Variants in TNK1 observed in about 807,000 individuals in gnomAD.
The protein encoded by TNK1 is tyrosine kinase non receptor 1, also known as non-receptor tyrosine-protein kinase TNK1.
TNK1 carries 53 observed loss-of-function variants against 65.2 expected under a neutral mutation model. The observed-to-expected ratio is 0.81, with a 90% CI of 0.65 to 1.02. The LOEUF (loss-of-function observed/expected upper bound fraction) is 1.02. TNK1 is among the 50% of genes least tolerant of loss of function. The pLI is 0.00. For synonymous variants in TNK1, 353 were observed against 364.6 expected (o/e 0.97, Z 0.36); for missense variants, 837 against 878.4 (o/e 0.95, Z 0.60).
chr17:7,382,966 C>T lies in TNK1; in HGVS notation c.40C>T (p.Leu14Phe), dbSNP rs374692022. 6.2e-7 allele frequency: 1 copy of T among 1,613,942 alleles called. No homozygotes were observed. The highest frequency in any genetic ancestry group is 1.3e-5 in the African/African-American group (1 of 74,944). The change falls in exon 2 of 13, where the codon CTC becomes TTC. Residue 14 changes from leucine (L) to phenylalanine (F), a missense_variant. Coordinates refer to ENST00000688331, the MANE Select transcript of TNK1 (RefSeq NM_003985.6). This position sits in a 1 kb window ranked among gnomAD's most constrained non-coding sequence, Gnocchi z 4.1. ...EAGSLWLLKL[L>F]RDIQLAQFYW... Reference sequence around the variant, plus strand: ...TGGCTCCCTGTGGCTACTGAAGCTGCTCCGGGACATCCAGTTGGCCCAGTT... The same window carrying T: ...TGGCTCCCTGTGGCTACTGAAGCTGTTCCGGGACATCCAGTTGGCCCAGTT...
chr17:7,383,562 A>G lies in TNK1; in HGVS notation c.372A>G (p.Ser124=), dbSNP rs1214581065. ...TTTGCAGAGGGGAGCTGCTGGGTTC[A>G]GGCTGCTTCGGTGTGGTGCACCGAG... is the stretch of plus-strand genomic sequence containing the variant. ...GAVCRGELLG[S]GCFGVVHRGL... Residue 124 remains serine, a synonymous_variant, in exon 4 of 13, where the codon TCA becomes TCG. Coordinates refer to ENST00000688331, the MANE Select transcript of TNK1 (RefSeq NM_003985.6). 1 of 1,612,998 alleles carries G rather than the reference A, an allele frequency of 6.2e-7. No homozygotes were observed. Among genetic ancestry groups the G allele is most frequent in the Non-Finnish European group, 8.5e-7 (1 of 1,179,432 alleles).
rs966181148 is a variant in TNK1, at chr17:7,388,617, C to G, written c.1689C>G (p.His563Gln). The change falls in exon 11 of 13, where the codon CAC (histidine) becomes CAG (glutamine). Residue 563 changes from histidine (H) to glutamine (Q), a missense_variant. Physicochemically the swap from His to Gln is conservative, Grantham distance 24. Coordinates refer to ENST00000688331, the MANE Select transcript of TNK1 (RefSeq NM_003985.6). This position sits in a 1 kb window ranked among gnomAD's most constrained non-coding sequence, Gnocchi z 4.5. ...PWPKRKPPHNHPMGMPGARKA... is the reference protein window; with the variant it reads ...PWPKRKPPHNQPMGMPGARKA... The stretch of plus-strand genomic sequence containing the variant: ...CCAAAAGAAAACCCCCACACAATCA[C>G]CCCATGGGAATGCCTGGAGCCCGTA... 6.2e-7 allele frequency: 1 copy of G among 1,614,022 alleles called. No individual in the cohort carries two copies. Among genetic ancestry groups the G allele is most frequent in the Admixed American group, 1.7e-5 (1 of 60,022 alleles).
In TNK1 at chr17:7,389,143, C is replaced by A; in HGVS notation, c.*59C>A. 7.5e-7 allele frequency: 1 copy of A among 1,336,328 alleles called. No individual in the cohort carries two copies. The highest frequency in any genetic ancestry group is 1.0e-6 in the Non-Finnish European group (1 of 957,384). 82.8% of individuals were successfully genotyped at this position (1,336,328 alleles called of 1,614,324 possible). The stretch of plus-strand genomic sequence containing the variant: ...AAAGCCTAGGCCCCTGAGGGCCTGG[C>A]CACATGGGACCAAGCGGAACCAGAA... On this transcript the variant is annotated 3_prime_UTR_variant, in exon 13 of 13. Transcript: ENST00000688331.
In TNK1 at chr17:7,384,666, G is replaced by A. The variant is rs781288628; in HGVS notation, c.1049G>A (p.Arg350Lys). 6.2e-7 allele frequency: 1 copy of A among 1,603,460 alleles called. No homozygotes were observed. Among genetic ancestry groups the A allele is most frequent in the South Asian group, 1.1e-5 (1 of 89,024 alleles). The change falls in exon 7 of 13, where the codon AGG becomes AAG. Residue 350 changes from arginine to lysine, a missense_variant. By Grantham distance (26) the Arg-to-Lys change is conservative (BLOSUM62 2). Transcript: ENST00000688331. ...ARLPRPPLCS[R>K]ALYSLALRCW... is the part of the protein sequence containing the mutation. ...CTGCCTAGGCCTCCCCTCTGCTCCA[G>A]GGCCCTCTACTCCCTCGCCTTGCGC...
chr17:7,387,216 T>C, intron 9 of TNK1, 62 bp downstream of exon 9: 2 of 1,411,690 alleles, frequency 1.4e-6, no homozygotes, highest in Admixed American at 2.8e-5. Context: ...TCCAGGAGCT[T>C]CTCTGGAAGA....
chr17:7,387,177 G>A (rs756568942), intron 9 of TNK1, 23 bp downstream of exon 9: 2 of 1,551,684 alleles, frequency 1.3e-6, no homozygotes, highest in Non-Finnish European at 1.7e-6. Context: ...AAGGGTGAGG[G>A]CAGGGGTTGG....
At chr17:7,385,193 C>T (rs7209048) in intron 7 of TNK1, among the ~76,000 whole-genome samples, 1 of 151,754 alleles carries the variant, frequency 6.6e-6, no homozygotes, top group Admixed American at 6.6e-5. Context: ...GGAGAAACCC[C>T]GTCTCTACTA....
chr17:7,386,850 T>C (rs950058038), intron 8 of TNK1, 140 bp from the exon 9 acceptor site: 48 of 1,263,176 alleles, frequency 3.8e-5, no homozygotes, highest in East Asian at 2.3e-4. Context: ...TAGAGCCTTA[T>C]TGCATTAGGG....
Position 7,386,657 on chromosome 17 carries a change from T to TGAC in TNK1, c.1232+3_1232+5dup. 6.3e-7 allele frequency: 1 copy of TGAC among 1,580,966 alleles called. No individual in the cohort carries two copies. The highest frequency in any genetic ancestry group is 8.6e-7 in the Non-Finnish European group (1 of 1,163,236). ...CCCCATCACAGTCATCGAGGGCAGG[T>TGAC]GACAGTCCCATACCTCCCAAGCACC... On this transcript the variant is annotated splice_region_variant and intron_variant, in intron 8 of 12. Transcript: ENST00000688331.
intron 9 of TNK1, 64 bp downstream of exon 9, chr17:7,387,218 T>A: frequency 6.6e-7 from 1 of 1,519,542 alleles, no homozygotes; most frequent in East Asian, 2.3e-5. Flanking sequence ...CAGGAGCTTC[T>A]CTGGAAGAGA....
At chr17:7,384,786 T>C (rs752713433) in intron 7 of TNK1, 32 bp downstream of exon 7, 35 of 1,547,718 alleles carry the variant, frequency 2.3e-5, no homozygotes, top group Middle Eastern at 1.7e-4. Context: ...AGATACACAG[T>C]CCCTCTTCCC....
chr17:7,381,847 G>A (rs1483927234), intron 1 of TNK1, among the ~76,000 whole-genome samples: 1 of 152,224 alleles, frequency 6.6e-6, no homozygotes. Context: ...AGTGTATCTA[G>A]GTGTTTGGAG....
Position 7,384,250 on chromosome 17 carries a change from C to G in TNK1, c.863C>G (p.Ala288Gly). The G allele has an allele frequency of 1.4e-6, 2 of 1,468,970 alleles. No homozygotes were observed. The highest frequency in any genetic ancestry group is 2.7e-5 in the South Asian group (2 of 73,948). The allele number at this position is 1,468,970 out of a possible 1,614,324, so 91.0% of individuals were successfully genotyped here. A position where few individuals can be genotyped will look rare whatever the true frequency, so the allele number is the denominator to read the frequency against. ...VMGGPRPIPY[A>G]WCAPESLRHG... ...GGCGGGCCCCGCCCTATCCCCTACGCCTGGTGAGAGCGGGTCCGCGGGCGG... is the reference window on the plus strand; with the variant it reads ...GGCGGGCCCCGCCCTATCCCCTACGGCTGGTGAGAGCGGGTCCGCGGGCGG... Residue 288 changes from alanine (A) to glycine (G), a missense_variant, in exon 6 of 13, where the codon GCC (alanine) becomes GGC (glycine). Coordinates refer to ENST00000688331, the MANE Select transcript of TNK1 (RefSeq NM_003985.6).
At position 7,389,432 on chromosome 17, in the gene TNK1, C is replaced by T. The variant is rs1450864623; in HGVS notation, c.*348C>T. 9.0e-6 allele frequency: 4 copies of T among 443,702 alleles called. No individual in the cohort carries two copies. Among genetic ancestry groups the T allele is most frequent in the Admixed American group, 3.8e-5 (1 of 26,466 alleles). The allele number at this position is 443,702 out of a possible 1,614,324, so 27.5% of individuals were successfully genotyped here. A position where few individuals can be genotyped will look rare whatever the true frequency, so the allele number is the denominator to read the frequency against. ...CGCGCTAGAGAGGATCAAGGGGCCA[C>T]ACTGGACCATGTGAACAGCCATCCT... On this transcript the variant is annotated 3_prime_UTR_variant, in exon 13 of 13. Coordinates refer to ENST00000688331, the MANE Select transcript of TNK1 (RefSeq NM_003985.6).
chr17:7,386,996 C>T lies in TNK1; in HGVS notation c.1239C>T (p.Asp413=), dbSNP rs371780248. The T allele has an allele frequency of 6.4e-7, 1 of 1,566,730 alleles. No homozygotes were observed. Among genetic ancestry groups the T allele is most frequent in the Admixed American group, 1.9e-5 (1 of 52,446 alleles). ...DPITVIEGSP[D]STIWKGQNGR... ...CCAGCTCCTCTTTCCACAGCCCCGA[C>T]TCCACAATCTGGAAGGGCCAGAATG... The change falls in exon 9 of 13, where the codon GAC becomes GAT. Residue 413 remains aspartate (D), a synonymous_variant. Coordinates refer to ENST00000688331, the MANE Select transcript of TNK1 (RefSeq NM_003985.6).
chr17:7,385,701 A>G (rs1267397721), intron 7 of TNK1, among the ~76,000 whole-genome samples: 1 of 152,072 alleles, frequency 6.6e-6, no homozygotes, highest in Non-Finnish European at 1.5e-5. Flanking sequence ...AGTAGCTGGG[A>G]TTACAGGCGC....
intron 3 of TNK1, 30 bp from the exon 4 acceptor site, chr17:7,383,395 T>G: frequency 6.2e-7 from 1 of 1,613,964 alleles, no homozygotes; most frequent in Non-Finnish European, 8.5e-7. Flanking sequence ...CGCAGGGCTC[T>G]GCATACCGGA....
chr17:7,384,157 G>T lies in TNK1; in HGVS notation c.770G>T (p.Arg257Leu). 6.5e-7 allele frequency: 1 copy of T among 1,540,298 alleles called. No individual in the cohort carries two copies. Among genetic ancestry groups the T allele is most frequent in the South Asian group, 1.2e-5 (1 of 84,314 alleles). Residue 257 changes from arginine to leucine, a missense_variant, in exon 6 of 13, where the codon CGC becomes CTC. By Grantham distance (102) the Arg-to-Leu change is moderately radical. Coordinates refer to ENST00000688331, the MANE Select transcript of TNK1 (RefSeq NM_003985.6). Reference sequence around the variant, plus strand: ...CGCAACCTACTGCTGGCGTCGCCGCGCACCATCAAGGTGGCTGACTTCGGG... The same window carrying T: ...CGCAACCTACTGCTGGCGTCGCCGCTCACCATCAAGGTGGCTGACTTCGGG... The part of the protein sequence containing the change: ...ATRNLLLASP[R>L]TIKVADFGLV...
At chr17:7,381,845 T>C (rs908769400) in intron 1 of TNK1, among the ~76,000 whole-genome samples, 2 of 152,208 alleles carry the variant, frequency 1.3e-5, no homozygotes, top group African/African-American at 4.8e-5. Flanking sequence ...GCAGTGTATC[T>C]AGGTGTTTGG....
Sources: gnomAD v4.1 joint callset for allele counts (sites outside exome capture counted in the v4.1 genomes callset) on GRCh38, gnomAD v4.1.1 for gene constraint, Gnocchi (gnomAD v3.1) non-coding constraint, MANE v1.5 for transcripts, NCBI Gene and HGNC (gene_info 2026-07-23, HGNC 2026-07-21) for gene names.